LPCAT2: variants seen among roughly 807,000 people sequenced by gnomAD.
LPCAT2 encodes lysophosphatidylcholine acyltransferase 2, also known as 1-AGP acyltransferase 11.
Under a neutral mutation model 64.7 loss-of-function variants are expected in LPCAT2, and 58 were observed. That is an observed-to-expected ratio of 0.90 (90% CI 0.73 to 1.12). The LOEUF is 1.12. Among genes scored for constraint, LPCAT2 ranks in the 50% most tolerant of loss-of-function variants. The probability of loss-of-function intolerance (pLI) is 0.00; values close to 1 mark genes in which losing one functional copy is unlikely to be tolerated. For synonymous variants in LPCAT2, 252 were observed against 245.3 expected (o/e 1.03, Z -0.26); for missense variants, 579 against 669.8 (o/e 0.86, Z 1.50).
chr16:55,579,757 T>A (rs1225684621), intron 13 of LPCAT2, among the ~76,000 whole-genome samples: 4 of 152,150 alleles, frequency 2.6e-5, no homozygotes, highest in Admixed American at 6.6e-5. Context: ...GCTAAACGAT[T>A]TATTGATGTT....
intron 13 of LPCAT2, among the ~76,000 whole-genome samples, chr16:55,581,023 G>A (rs907857529): frequency 6.6e-6 from 1 of 152,284 alleles, no homozygotes; most frequent in South Asian, 2.1e-4. Context: ...GGGGACTGCT[G>A]CCTTAAATTA....
chr16:55,561,011 A>G (rs921531108), intron 11 of LPCAT2, among the ~76,000 whole-genome samples: 8 of 151,970 alleles, frequency 5.3e-5, no homozygotes, highest in Admixed American at 6.6e-5. Context: ...GCAAGCACCA[A>G]TCAACTTTCT....
intron 11 of LPCAT2, among the ~76,000 whole-genome samples, chr16:55,559,511 G>T (rs1963612297): frequency 1.3e-5 from 2 of 152,066 alleles, no homozygotes; most frequent in African/African-American, 4.8e-5. Flanking sequence ...ATCCTTGCCT[G>T]CCCCTTCCTG....
intron 2 of LPCAT2, 112 bp downstream of exon 2, chr16:55,525,759 TAA>T: frequency 1.5e-6 from 1 of 656,802 alleles, no homozygotes; most frequent in Non-Finnish European, 2.2e-6. Context: ...TGCTGTTAGA[TAA>T]AACTATTTTA....
intron 1 of LPCAT2, among the ~76,000 whole-genome samples, chr16:55,517,496 G>A (rs1244044630): frequency 6.6e-6 from 1 of 151,970 alleles, no homozygotes; most frequent in African/African-American, 2.4e-5. Context: ...ATTCTGTGAG[G>A]CCAGGCCTAC....
intron 6 of LPCAT2, among the ~76,000 whole-genome samples, chr16:55,534,206 A>T (rs1311511619): frequency 1.3e-5 from 2 of 152,186 alleles, no homozygotes; most frequent in African/African-American, 4.8e-5. Context: ...AAAAAATTAA[A>T]ACAAGTCATT....
At chr16:55,520,735 A>T (rs1384843810) in intron 1 of LPCAT2, among the ~76,000 whole-genome samples, 1 of 152,094 alleles carries the variant, frequency 6.6e-6, no homozygotes, top group Non-Finnish European at 1.5e-5. Flanking sequence ...TTTAGAAATC[A>T]AGCTATATAC....
chr16:55,548,198 T>A (rs1246119535), intron 9 of LPCAT2, among the ~76,000 whole-genome samples: 1 of 152,250 alleles, frequency 6.6e-6, no homozygotes, highest in African/African-American at 2.4e-5. Flanking sequence ...AAAAATTTAG[T>A]GAAGAGGAAT....
intron 11 of LPCAT2, among the ~76,000 whole-genome samples, chr16:55,563,376 T>G (rs1203503577): frequency 6.6e-6 from 1 of 151,850 alleles, no homozygotes. Flanking sequence ...ATTCATTCCA[T>G]GAGGCCAAAG....
intron 11 of LPCAT2, among the ~76,000 whole-genome samples, chr16:55,552,438 G>A (rs575037847): frequency 6.6e-6 from 1 of 152,222 alleles, no homozygotes; most frequent in Admixed American, 6.5e-5. Flanking sequence ...TATAAATGTA[G>A]GTTTTCATTT....
intron 11 of LPCAT2, among the ~76,000 whole-genome samples, chr16:55,567,963 T>C (rs1963725888): frequency 6.6e-6 from 1 of 152,196 alleles, no homozygotes; most frequent in Non-Finnish European, 1.5e-5. Context: ...TCTGTTTTTC[T>C]TGTAATTTTA....
intron 8 of LPCAT2, chr16:55,541,184 T>A (rs750588137): frequency 2.6e-5 from 4 of 152,170 alleles, no homozygotes; most frequent in South Asian, 4.1e-4. Context: ...TTGTGTTTTC[T>A]TTAGGAAAAT....
At chr16:55,577,833 C>T (rs1247846252) in intron 12 of LPCAT2, among the ~76,000 whole-genome samples, 1 of 151,994 alleles carries the variant, frequency 6.6e-6, no homozygotes, top group African/African-American at 2.4e-5. Flanking sequence ...TTCATAATTC[C>T]TTAAAATGAA....
intron 1 of LPCAT2, among the ~76,000 whole-genome samples, chr16:55,514,856 A>G (rs540587916): frequency 6.6e-6 from 1 of 151,398 alleles, no homozygotes; most frequent in Admixed American, 6.6e-5. Flanking sequence ...GCAGGGTATC[A>G]CCAAATGGAG....
intron 13 of LPCAT2, among the ~76,000 whole-genome samples, chr16:55,580,882 T>C (rs9940227): frequency 0.61 from 91,949 of 151,852 alleles, 29,130 homozygotes; most frequent in African/African-American, 0.79. Flanking sequence ...AGGTTGCACG[T>C]TCCTTATGAG....
intron 8 of LPCAT2, chr16:55,545,453 C>T (rs1323518027): frequency 7.8e-6 from 2 of 256,356 alleles, no homozygotes; most frequent in African/African-American, 4.4e-5. Flanking sequence ...CAGACACTGA[C>T]TTGTTTCACC....
intron 12 of LPCAT2, among the ~76,000 whole-genome samples, chr16:55,578,453 C>T (rs959001390): frequency 2.0e-5 from 3 of 152,204 alleles, no homozygotes; most frequent in Admixed American, 1.3e-4. Flanking sequence ...TCTGACCTTT[C>T]CATCACTACA....
chr16:55,567,343 G>T, intron 11 of LPCAT2: 1 of 1,613,650 alleles, frequency 6.2e-7, no homozygotes, highest in Non-Finnish European at 8.5e-7. Flanking sequence ...ATTGTCCGCC[G>T]GTATGCTAAT....
At chr16:55,536,268 G>A (rs9935960) in intron 7 of LPCAT2, among the ~76,000 whole-genome samples, 2,325 of 152,290 alleles carry the variant, frequency 0.015, 55 homozygotes, top group African/African-American at 0.052. Flanking sequence ...TAAACTTAGA[G>A]AAGTTTTGTA....
Sources: gnomAD v4.1 joint callset for allele counts (sites outside exome capture counted in the v4.1 genomes callset) on GRCh38, gnomAD v4.1.1 for gene constraint, MANE v1.5 for transcripts, NCBI Gene and HGNC (gene_info 2026-07-23, HGNC 2026-07-21) for gene names.